The following PLEKHB2 variants were observed in gnomAD, a reference collection of about 807,000 sequenced individuals.
PLEKHB2 encodes the protein pleckstrin homology domain-containing family B member 2.
A neutral mutation model predicts 36.5 loss-of-function variants in PLEKHB2; 31 were observed. The observed-to-expected ratio is 0.85, with a 90% CI of 0.64 to 1.15. The LOEUF (loss-of-function observed/expected upper bound fraction) is 1.15, where lower values mean the gene tolerates loss of function less well. PLEKHB2 is among the 50% of genes most tolerant of loss of function. The pLI, the probability that PLEKHB2 is intolerant of heterozygous loss-of-function variation, is 0.00. For synonymous variants in PLEKHB2, 119 were observed against 112.0 expected (o/e 1.06, Z -0.39); for missense variants, 262 against 295.3 (o/e 0.89, Z 0.83).
At chr2:131,117,732 G>A (rs1696035798) in intron 1 of PLEKHB2, among the ~76,000 whole-genome samples, 1 of 150,988 alleles carries the variant, frequency 6.6e-6, no homozygotes, top group Admixed American at 6.6e-5. Context: ...ATTTTTTTGT[G>A]TTCTGGGTTA....
At chr2:131,114,090 C>T (rs1430505923) in intron 1 of PLEKHB2, among the ~76,000 whole-genome samples, 2 of 152,034 alleles carry the variant, frequency 1.3e-5, no homozygotes, top group Non-Finnish European at 2.9e-5. Flanking sequence ...CTGCTTTTGT[C>T]TGCTGCTGTT....
At chr2:131,132,332 A>G (rs1697788459) in intron 5 of PLEKHB2, among the ~76,000 whole-genome samples, 1 of 152,070 alleles carries the variant, frequency 6.6e-6, no homozygotes, top group Non-Finnish European at 1.5e-5. Flanking sequence ...TTTTGGAGAC[A>G]GTCTCGCCTT....
intron 5 of PLEKHB2, among the ~76,000 whole-genome samples, chr2:131,131,457 C>T (rs1310064424): frequency 2.0e-5 from 3 of 152,178 alleles, no homozygotes; most frequent in South Asian, 4.1e-4. Flanking sequence ...TAGGAGGTCA[C>T]TGAGACAGTG....
chr2:131,124,033 C>A (rs533031971), intron 2 of PLEKHB2, among the ~76,000 whole-genome samples: 1 of 151,900 alleles, frequency 6.6e-6, no homozygotes, highest in African/African-American at 2.4e-5. Context: ...TTTGTAGAGA[C>A]GGGATCTTGC....
chr2:131,106,144 C>T (rs1694705349), intron 1 of PLEKHB2, among the ~76,000 whole-genome samples: 1 of 152,200 alleles, frequency 6.6e-6, no homozygotes, highest in South Asian at 2.1e-4. Flanking sequence ...GGGATCCCCG[C>T]CCCGCCACCC....
intron 2 of PLEKHB2, among the ~76,000 whole-genome samples, chr2:131,122,715 G>A (rs1696640365): frequency 6.6e-6 from 1 of 152,182 alleles, no homozygotes; most frequent in Admixed American, 6.5e-5. Context: ...CAGCCTGTGT[G>A]TCTGTGACTA....
intron 1 of PLEKHB2, among the ~76,000 whole-genome samples, chr2:131,117,816 A>G (rs1696046147): frequency 6.6e-6 from 1 of 152,226 alleles, no homozygotes; most frequent in Non-Finnish European, 1.5e-5. Flanking sequence ...CTTCTGCTGT[A>G]CTAAGCTACA....
chr2:131,113,355 G>A (rs74486860), intron 1 of PLEKHB2, among the ~76,000 whole-genome samples: 2,776 of 152,282 alleles, frequency 0.018, 50 homozygotes, highest in African/African-American at 0.048. Flanking sequence ...TTACAGATGC[G>A]CAACACTGTG....
At chr2:131,134,750 A>G (rs992096387) in intron 6 of PLEKHB2, among the ~76,000 whole-genome samples, 9 of 152,348 alleles carry the variant, frequency 5.9e-5, no homozygotes, top group African/African-American at 1.7e-4. Flanking sequence ...TATATCTACA[A>G]TGAAATCTTG....
Position 131,146,797 on chromosome 2 carries a change from T to C in PLEKHB2, c.*24T>C. 6.4e-7 allele frequency: 1 copy of C among 1,554,004 alleles called. No individual in the cohort carries two copies. The highest frequency in any genetic ancestry group is 1.2e-5 in the South Asian group (1 of 82,376). ...AGGGGCCTCAAGGTCTTGATGTGCATAGCTTCTGATAACCCTGTGTGCAAT... is the reference window on the plus strand; with the variant it reads ...AGGGGCCTCAAGGTCTTGATGTGCACAGCTTCTGATAACCCTGTGTGCAAT... On this transcript the variant is annotated 3_prime_UTR_variant, in exon 8 of 8. Coordinates refer to ENST00000693505, the MANE Select transcript of PLEKHB2 (RefSeq NM_001100623.2).
rs1381991281 is a variant in PLEKHB2 at position 131,149,760 on chromosome 2, T to C, written c.*2987T>C. 1 of 152,266 alleles carries C rather than the reference T, an allele frequency of 6.6e-6. No homozygotes were observed. The highest frequency in any genetic ancestry group is 1.5e-5 in the Non-Finnish European group (1 of 68,040). 9.4% of individuals were successfully genotyped at this position (152,266 alleles called of 1,614,324 possible). A position where few individuals can be genotyped will look rare whatever the true frequency, so the allele number is the denominator to read the frequency against. Reference sequence around the variant, plus strand: ...CCGTCTCTAGTAGTATTCTGTTGTGTCTAGAGAACTGATTTTTTCCTACAT... The same window carrying C: ...CCGTCTCTAGTAGTATTCTGTTGTGCCTAGAGAACTGATTTTTTCCTACAT... On this transcript the variant is annotated 3_prime_UTR_variant, in exon 8 of 8. Coordinates refer to ENST00000693505, the MANE Select transcript of PLEKHB2 (RefSeq NM_001100623.2).
At position 131,146,768 on chromosome 2, in the gene PLEKHB2, T is replaced by G. The variant is rs1286643686; in HGVS notation, c.664T>G (p.Phe222Val). The G allele has an allele frequency of 6.2e-7, 1 of 1,604,226 alleles. No individual in the cohort carries two copies. The highest frequency in any genetic ancestry group is 8.5e-7 in the Non-Finnish European group (1 of 1,175,388). Residue 222 changes from phenylalanine to valine, a missense_variant, in exon 8 of 8, where the codon TTC becomes GTC. By Grantham distance (50) the Phe-to-Val change is conservative. Coordinates refer to ENST00000693505, the MANE Select transcript of PLEKHB2 (RefSeq NM_001100623.2). ...GMALGSLFWV[F>V] ...GGCCTTAGGGTCTCTATTTTGGGTCTTCTAGGGGCCTCAAGGTCTTGATGT... is the reference window on the plus strand; with the variant it reads ...GGCCTTAGGGTCTCTATTTTGGGTCGTCTAGGGGCCTCAAGGTCTTGATGT...
chr2:131,123,064 T>C (rs978979933), intron 2 of PLEKHB2, among the ~76,000 whole-genome samples: 7 of 152,152 alleles, frequency 4.6e-5, no homozygotes, highest in African/African-American at 1.7e-4. Flanking sequence ...GACAATTTTG[T>C]CCTCCCCATC....
intron 6 of PLEKHB2, among the ~76,000 whole-genome samples, chr2:131,138,683 A>T (rs1698498573): frequency 6.6e-6 from 1 of 152,112 alleles, no homozygotes; most frequent in African/African-American, 2.4e-5. Flanking sequence ...TGAGAAGAGG[A>T]AAGGCTCTTT....
chr2:131,140,366 GT>G, intron 7 of PLEKHB2, 91 bp downstream of exon 7: 1 of 658,418 alleles, frequency 1.5e-6, no homozygotes, highest in Non-Finnish European at 2.7e-6. Context: ...TCAGTTTAAG[GT>G]TACATGAGCT....
At chr2:131,132,511 C>T (rs1453869767) in intron 5 of PLEKHB2, among the ~76,000 whole-genome samples, 1 of 152,054 alleles carries the variant, frequency 6.6e-6, no homozygotes, top group African/African-American at 2.4e-5. Context: ...GTTGCCTAGG[C>T]TGGCCTTGGA....
chr2:131,134,884 G>T (rs1322766325), intron 6 of PLEKHB2, among the ~76,000 whole-genome samples: 1 of 151,980 alleles, frequency 6.6e-6, no homozygotes, highest in African/African-American at 2.4e-5. Context: ...GATCCTCTTT[G>T]ATTTTTTTCA....
intron 7 of PLEKHB2, among the ~76,000 whole-genome samples, chr2:131,146,375 G>C (rs1699285802): frequency 6.6e-6 from 1 of 152,142 alleles, no homozygotes; most frequent in African/African-American, 2.4e-5. Context: ...GAAATCAGAG[G>C]CTAGAATCTG....
intron 5 of PLEKHB2, 83 bp downstream of exon 5, chr2:131,130,843 C>A: frequency 1.1e-6 from 1 of 942,834 alleles, no homozygotes; most frequent in Non-Finnish European, 1.7e-6. Context: ...TGCAGTGGTG[C>A]TGTCTCACCT....
Sources: gnomAD v4.1 joint callset for allele counts (sites outside exome capture counted in the v4.1 genomes callset) on GRCh38, gnomAD v4.1.1 for gene constraint, MANE v1.5 for transcripts, NCBI Gene and HGNC (gene_info 2026-07-23, HGNC 2026-07-21) for gene names.